Variants in P3H2 observed in about 807,000 individuals in gnomAD.
P3H2 encodes prolyl 3-hydroxylase 2, also known as leprecan-like 1.
A neutral mutation model predicts 87.0 loss-of-function variants in P3H2; 80 were observed. That is an observed-to-expected ratio of 0.92 (90% confidence interval 0.77 to 1.11). The LOEUF (loss-of-function observed/expected upper bound fraction) is 1.11, where lower values mean the gene tolerates loss of function less well. Among genes scored for constraint, P3H2 ranks in the 50% least tolerant of loss-of-function variants. The pLI, the probability that P3H2 is intolerant of heterozygous loss-of-function variation, is 0.00. For synonymous variants in P3H2, 367 were observed against 359.3 expected, an observed-to-expected ratio of 1.02 and a Z score of -0.24; for missense variants, 1,001 against 923.9, an observed-to-expected ratio of 1.08 and a Z score of -1.08.
intron 1 of P3H2, among the ~76,000 whole-genome samples, chr3:190,087,791 G>A (rs1018623782): frequency 7.9e-5 from 12 of 152,080 alleles, no homozygotes; most frequent in South Asian, 2.1e-4. Flanking sequence ...AAGCAAAAGT[G>A]GAAGAAGGAA....
chr3:190,120,775 T>C lies in P3H2; in HGVS notation c.-44A>G. 2.0e-6 allele frequency: 3 copies of C among 1,505,434 alleles called. No individual in the cohort carries two copies. Among genetic ancestry groups the C allele is most frequent in the Non-Finnish European group, 2.6e-6 (3 of 1,133,080 alleles). The allele number at this position is 1,505,434 out of a possible 1,614,324, so 93.3% of individuals were successfully genotyped here. A position where few individuals can be genotyped will look rare whatever the true frequency, so the allele number is the denominator to read the frequency against. ...GCGGGACGGTTACGCTCGAGAGGGC[T>C]TCGGGGCACCTCGCGTCCGGGTCCC... On this transcript the variant is annotated 5_prime_UTR_variant, in exon 1 of 15. Transcript: ENST00000319332.
chr3:190,121,436 C>T (rs1712588122), upstream of P3H2: 1 of 152,084 alleles, frequency 6.6e-6, no homozygotes, highest in African/African-American at 2.4e-5. Flanking sequence ...AGTGATTTGC[C>T]TAAATGCATA....
In P3H2 at chr3:190,075,766, G is replaced by A. The variant is rs139884627; in HGVS notation, c.480+44486C>T. Among the ~76,000 whole-genome samples the A allele has an allele frequency of 2.3e-3, 349 of 152,282 alleles. 3 individuals are homozygous for A. Among genetic ancestry groups the A allele is most frequent in the African/African-American group, 8.1e-3 (335 of 41,576 alleles). On this transcript the variant is annotated intron_variant, in intron 1 of 14. Transcript: ENST00000319332. ...GGGTACCTGAAAAGGATTAATAGGA[G>A]ATCAGGTTGAAAGATAGGTCGGGTC...
At position 190,101,368 on chromosome 3, in the gene P3H2, C is replaced by CAAAAAAAAAA. The variant is rs34737545; in HGVS notation, c.480+18874_480+18883dup. On this transcript the variant is annotated intron_variant, in intron 1 of 14. Coordinates refer to ENST00000319332, the MANE Select transcript of P3H2 (RefSeq NM_018192.4). Reference sequence around the variant, plus strand: ...GCATCAGTTCACCAAATCATGAACGCAAAAAAAAAAAAAAAAAAAAAAAAA... The same window carrying CAAAAAAAAAA: ...GCATCAGTTCACCAAATCATGAACGCAAAAAAAAAAAAAAAAAAAAAAAAAAAAAAAAAAA... 4.2e-4 allele frequency among the ~76,000 whole-genome samples: 10 copies of CAAAAAAAAAA among 23,952 alleles called. 1 individual carries two copies. Among genetic ancestry groups the CAAAAAAAAAA allele is most frequent in the African/African-American group, 5.1e-4 (3 of 5,868 alleles). The allele number at this position is 23,952 out of a possible 152,430, so 15.7% of individuals were successfully genotyped here. A position where few individuals can be genotyped will look rare whatever the true frequency, so the allele number is the denominator to read the frequency against.
chr3:190,092,699 ATTCAT>A (rs1230046804), intron 1 of P3H2, among the ~76,000 whole-genome samples: 2 of 152,234 alleles, frequency 1.3e-5, no homozygotes, highest in African/African-American at 4.8e-5. Flanking sequence ...TTGAAAGCTC[ATTCAT>A]TTCAAGCAGT....
intron 1 of P3H2, among the ~76,000 whole-genome samples, chr3:189,997,073 G>A (rs1456369846): frequency 6.6e-6 from 1 of 152,158 alleles, no homozygotes; most frequent in Non-Finnish European, 1.5e-5. Flanking sequence ...CCAGGCTGGA[G>A]TGCAATGGCG....
intron 1 of P3H2, among the ~76,000 whole-genome samples, chr3:190,093,037 T>C (rs1287368919): frequency 6.6e-6 from 1 of 152,214 alleles, no homozygotes; most frequent in Non-Finnish European, 1.5e-5. Context: ...CCTCCCTTTA[T>C]TAGAGCTTTC....
chr3:190,114,432 C>T (rs1449150339), intron 1 of P3H2, among the ~76,000 whole-genome samples: 2 of 151,894 alleles, frequency 1.3e-5, no homozygotes, highest in Admixed American at 6.6e-5. Flanking sequence ...GTGATACGCC[C>T]ACCTCGGCCT....
intron 1 of P3H2, among the ~76,000 whole-genome samples, chr3:190,079,926 C>A (rs527408256): frequency 6.6e-6 from 1 of 152,240 alleles, no homozygotes; most frequent in East Asian, 1.9e-4. Context: ...TGTGATACAT[C>A]ATTTAAATAA....
At chr3:190,052,235 T>C (rs1577297801) in intron 1 of P3H2, among the ~76,000 whole-genome samples, 1 of 152,024 alleles carries the variant, frequency 6.6e-6, no homozygotes, top group East Asian at 1.9e-4. Flanking sequence ...TGCTCTCCCT[T>C]CCTCTTGCCC....
chr3:190,108,109 A>C (rs1711921212), intron 1 of P3H2, among the ~76,000 whole-genome samples: 1 of 152,010 alleles, frequency 6.6e-6, no homozygotes, highest in South Asian at 2.1e-4. Context: ...GCCCAGCCTA[A>C]AAATTACCAG....
intron 1 of P3H2, among the ~76,000 whole-genome samples, chr3:190,054,849 T>C (rs1036473498): frequency 6.6e-6 from 1 of 152,156 alleles, no homozygotes; most frequent in Non-Finnish European, 1.5e-5. Context: ...TTCTTCACAT[T>C]ACAGAATTGT....
chr3:190,084,753 G>C (rs183594527), intron 1 of P3H2, among the ~76,000 whole-genome samples: 19 of 152,202 alleles, frequency 1.2e-4, no homozygotes, highest in Admixed American at 7.2e-4. Flanking sequence ...TACAAGTTTA[G>C]GGTTAACACA....
chr3:190,008,427 A>G (rs1724463219), intron 1 of P3H2, among the ~76,000 whole-genome samples: 1 of 152,208 alleles, frequency 6.6e-6, no homozygotes, highest in Non-Finnish European at 1.5e-5. Context: ...AGTATAGAAG[A>G]TAACTATAGG....
At chr3:190,071,735 T>C (rs1726703464) in intron 1 of P3H2, among the ~76,000 whole-genome samples, 1 of 152,108 alleles carries the variant, frequency 6.6e-6, no homozygotes, top group Admixed American at 6.6e-5. Context: ...TTTTAGTATC[T>C]AGGATTCACG....
chr3:190,031,391 A>C (rs1233831123), intron 1 of P3H2, among the ~76,000 whole-genome samples: 1 of 152,036 alleles, frequency 6.6e-6, no homozygotes, highest in Non-Finnish European at 1.5e-5. Flanking sequence ...TAATCCCAGC[A>C]CTTTTGGAGG....
chr3:190,015,419 C>T (rs1041525930), intron 1 of P3H2, among the ~76,000 whole-genome samples: 24 of 152,120 alleles, frequency 1.6e-4, no homozygotes, highest in African/African-American at 4.8e-4. Flanking sequence ...CAGTGTATAA[C>T]AAGCCTTACT....
chr3:189,962,161 C>CTTTTTTTTTTTTTTT lies in P3H2; in HGVS notation c.2034+1782_2034+1796dup, dbSNP rs770628547. ...GCCTTTCTTTCTTTTTCTTCTTCTT[C>CTTTTTTTTTTTTTTT]TTTTTTTTTTTTTTTTTTTTTTTTA... On this transcript the variant is annotated intron_variant, in intron 14 of 14. Coordinates refer to ENST00000319332, the MANE Select transcript of P3H2 (RefSeq NM_018192.4). Among the ~76,000 whole-genome samples, 56 of 87,606 alleles carry CTTTTTTTTTTTTTTT rather than the reference C, an allele frequency of 6.4e-4. 1 individual carries two copies. The highest frequency in any genetic ancestry group is 7.3e-4 in the Non-Finnish European group (34 of 46,832). The allele number at this position is 87,606 out of a possible 152,430, so 57.5% of individuals were successfully genotyped here. A position where few individuals can be genotyped will look rare whatever the true frequency, so the allele number is the denominator to read the frequency against.
In P3H2 at chr3:190,120,472, T is replaced by C; in HGVS notation, c.260A>G (p.His87Arg). The C allele has an allele frequency of 7.1e-7, 1 of 1,418,188 alleles. No individual in the cohort carries two copies. The highest frequency in any genetic ancestry group is 2.4e-4 in the Middle Eastern group (1 of 4,096). 87.9% of individuals were successfully genotyped at this position (1,418,188 alleles called of 1,614,324 possible). Residue 87 changes from histidine (H) to arginine (R), a missense_variant, in exon 1 of 15, where the codon CAC (histidine) becomes CGC (arginine). Transcript: ENST00000319332. ...CGGGAGCGGGTGGCGCGCCGCGCAGTGGCGGGCACAGCGCGTGCGGATTTC... is the reference window on the plus strand; with the variant it reads ...CGGGAGCGGGTGGCGCGCCGCGCAGCGGCGGGCACAGCGCGTGCGGATTTC... ...LREIRTRCAR[H>R]CAARHPLPPP... is the part of the protein sequence containing the mutation.
Sources: gnomAD v4.1 joint callset for allele counts (sites outside exome capture counted in the v4.1 genomes callset) on GRCh38, gnomAD v4.1.1 for gene constraint, MANE v1.5 for transcripts, NCBI Gene and HGNC (gene_info 2026-07-23, HGNC 2026-07-21) for gene names.